Variants in DNAH10 observed in about 807,000 individuals in gnomAD.
The protein encoded by DNAH10 is axonemal beta dynein heavy chain 10.
Under a neutral mutation model 506.6 loss-of-function variants are expected in DNAH10, and 348 were observed. The ratio of observed to expected loss-of-function variants is 0.69; its 90% CI spans 0.63 to 0.75. The LOEUF is 0.75. Among genes scored for constraint, DNAH10 ranks in the 30% least tolerant of loss-of-function variants. DNAH10 has a pLI of 0.00. For synonymous variants in DNAH10, 2,059 were observed against 2,198.6 expected (o/e 0.94, Z 1.78); for missense variants, 5,179 against 5,787.1 (o/e 0.89, Z 3.41).
rs1452668153 is a variant in DNAH10, at chr12:123,801,410, G to C, written c.2592G>C (p.Lys864Asn). ...ELLRVFRSGY[K>N]RLNWNSLGIG... ...TCCGAGTGTTTAGGTCGGGATATAAGAGGTTGAACTGGAACTCACTAGGTA... is the reference window on the plus strand; with the variant it reads ...TCCGAGTGTTTAGGTCGGGATATAACAGGTTGAACTGGAACTCACTAGGTA... Residue 864 changes from lysine to asparagine, a missense_variant, in exon 16 of 79, where the codon AAG becomes AAC. Coordinates refer to ENST00000673944, the MANE Select transcript of DNAH10 (RefSeq NM_001372106.1). The C allele has an allele frequency of 1.9e-6, 3 of 1,613,960 alleles. No homozygotes were observed. In the African/African-American group the frequency reaches 4.0e-5, roughly 22 times the overall value.
At chr12:123,888,270 A>G (rs945204972) in intron 52 of DNAH10, among the ~76,000 whole-genome samples, 1 of 152,206 alleles carries the variant, frequency 6.6e-6, no homozygotes, top group Non-Finnish European at 1.5e-5. Flanking sequence ...AGGTACCATT[A>G]ACATCCTCAT....
rs756405690 is a variant in DNAH10, at chr12:123,879,272, C to T, written c.8381C>T (p.Thr2794Met). 61 of 1,573,804 alleles carry T rather than the reference C, an allele frequency of 3.9e-5. No homozygotes were observed. The highest frequency in any genetic ancestry group is 4.7e-5 in the East Asian group (2 of 42,886). Residue 2794 changes from threonine to methionine, a missense_variant, in exon 49 of 79, where the codon ACG becomes ATG. Coordinates refer to ENST00000673944, the MANE Select transcript of DNAH10 (RefSeq NM_001372106.1). ...TCCCTTCCATTCTGCAGATTCCAGA[C>T]GGTGGCCCAGATGGTGAGAGTCTGG... ...LVLTNPERFQ[T>M]VAQMVRVWRN...
At position 123,771,649 on chromosome 12, in the gene DNAH10, G is replaced by T; in HGVS notation, c.347G>T (p.Arg116Ile). Residue 116 changes from arginine (R) to isoleucine (I), a missense_variant, in exon 3 of 79, where the codon AGA becomes ATA. Physicochemically the swap from Arg to Ile is moderately conservative, Grantham distance 97 (BLOSUM62 -3). Transcript: ENST00000673944. ...GAATCTCTAGGCCAACCTCTAAACA[G>T]AGAGGATGAAGAAATGGACAAAGAG... ...RTESLGQPLNREDEEMDKEIS... is the reference protein window; with the variant it reads ...RTESLGQPLNIEDEEMDKEIS... 1 of 1,613,630 alleles carries T rather than the reference G, an allele frequency of 6.2e-7. No individual in the cohort carries two copies. Among genetic ancestry groups the T allele is most frequent in the Non-Finnish European group, 8.5e-7 (1 of 1,179,780 alleles).
At chr12:123,881,956 A>AT in intron 51 of DNAH10, 143 bp downstream of exon 51, 2 of 813,526 alleles carry the variant, frequency 2.5e-6, no homozygotes, top group Non-Finnish European at 3.4e-6. Flanking sequence ...GGTTTGTTTT[A>AT]TTTTTTCTTG....
chr12:123,871,585 C>T lies in DNAH10; in HGVS notation c.7768C>T (p.Leu2590=). Residue 2590 remains leucine, a synonymous_variant, in exon 45 of 79, where the codon CTG becomes TTG. Coordinates refer to ENST00000673944, the MANE Select transcript of DNAH10 (RefSeq NM_001372106.1). ...CACTACCCAGAATTTCCTCAAAAATCTGAGTGAAGAAACTAACGTAAGTCA... is the reference window on the plus strand; with the variant it reads ...CACTACCCAGAATTTCCTCAAAAATTTGAGTGAAGAAACTAACGTAAGTCA... ...TATTQNFLKN[L]SEETNIVLMV... is the part of the protein sequence containing the mutation. 6.4e-7 allele frequency: 1 copy of T among 1,550,792 alleles called. No individual in the cohort carries two copies.
At chr12:123,877,595 C>T in intron 47 of DNAH10, 141 bp from the exon 48 acceptor site, 1 of 1,177,556 alleles carries the variant, frequency 8.5e-7, no homozygotes, top group South Asian at 1.7e-5. Context: ...GGATTACAGG[C>T]ATGAGCCACC....
Position 123,846,012 on chromosome 12 carries a change from G to A in DNAH10, c.5672G>A (p.Arg1891Gln), listed in dbSNP as rs916125970. The change falls in exon 32 of 79, where the codon CGG (arginine) becomes CAG (glutamine). Residue 1891 changes from arginine (R) to glutamine (Q), a missense_variant. By Grantham distance (43) the Arg-to-Gln change is conservative. Around this residue, in one of 3 missense-constraint regions of DNAH10, gnomAD observed 4,844 missense variants for 5,430.5 expected, o/e 0.89. Transcript: ENST00000673944. The surrounding 1 kb of genome is among the most constrained non-coding windows in gnomAD (Gnocchi z 4.5). The stretch of plus-strand genomic sequence containing the variant: ...GAGTTTGACTGGGAAAGTCAGTTGC[G>A]GTTTTATTGGGACCGGGAGCCGGAT... Reference protein sequence around the residue: ...AREFDWESQLRFYWDREPDEL... With the variant: ...AREFDWESQLQFYWDREPDEL... 17 of 1,613,860 alleles carry A rather than the reference G, an allele frequency of 1.1e-5. No individual in the cohort carries two copies. Among genetic ancestry groups the A allele is most frequent in the Admixed American group, 8.3e-5 (5 of 60,000 alleles).
rs1265599654 is a variant in DNAH10, at chr12:123,850,871, TC to T, written c.6103-15del. The T allele has an allele frequency of 6.3e-7, 1 of 1,595,388 alleles. No homozygotes were observed. Among genetic ancestry groups the T allele is most frequent in the Non-Finnish European group, 8.6e-7 (1 of 1,168,122 alleles). ...GCCACCTAACTGCTTCTTTCTTTCT[TC>T]CTTCTTGCCCTCCAGTTTGAAGGGC... On this transcript the variant is annotated splice_polypyrimidine_tract_variant and intron_variant, in intron 34 of 78. Transcript: ENST00000673944. The surrounding 1 kb of genome is among the most constrained non-coding windows in gnomAD (Gnocchi z 5.5).
chr12:123,815,573 C>T (rs1008318525), intron 21 of DNAH10, among the ~76,000 whole-genome samples: 1 of 152,104 alleles, frequency 6.6e-6, no homozygotes, highest in African/African-American at 2.4e-5. Context: ...TAGGGGAAAT[C>T]CGTGTCTTGT....
intron 57 of DNAH10, among the ~76,000 whole-genome samples, chr12:123,908,001 C>T (rs747610948): frequency 4.6e-5 from 7 of 152,038 alleles, no homozygotes; most frequent in Non-Finnish European, 7.4e-5. Flanking sequence ...GTGAGGGTTC[C>T]GGGGTCAGGA....
In DNAH10 at chr12:123,841,369, A is replaced by G. The variant is rs761950306; in HGVS notation, c.5184A>G (p.Gly1728=). ...TGAGGTTTAATGACGGCGATAGTGGAGAAAAACTGGTGTCCGCGATGATTT... is the reference window on the plus strand; with the variant it reads ...TGAGGTTTAATGACGGCGATAGTGGGGAAAAACTGGTGTCCGCGATGATTT... ...ASLRFNDGDS[G]EKLVSAMISA... is the part of the protein sequence containing the mutation. Residue 1728 remains glycine (G), a synonymous_variant, in exon 30 of 79, where the codon GGA becomes GGG. Coordinates refer to ENST00000673944, the MANE Select transcript of DNAH10 (RefSeq NM_001372106.1). 5 of 1,614,014 alleles carry G rather than the reference A, an allele frequency of 3.1e-6. No individual in the cohort carries two copies. The highest frequency in any genetic ancestry group is 3.3e-5 in the Admixed American group (2 of 60,022).
chr12:123,779,593 C>T (rs375259155), intron 5 of DNAH10, among the ~76,000 whole-genome samples: 147 of 114,378 alleles, frequency 1.3e-3, no homozygotes, highest in African/African-American at 4.2e-3. Flanking sequence ...ATTAATGGAC[C>T]TGGGGGTGGG....
In DNAH10 at chr12:123,781,369, G is replaced by A. The variant is rs1957642160; in HGVS notation, c.841+70G>A. ...ACTGTAGTTGGGATTACAGGTGCAT[G>A]CCACCATGCCTGGCTAACTTTTGGA... On this transcript the variant is annotated intron_variant, in intron 6 of 78. Transcript: ENST00000673944. 3.6e-6 allele frequency: 5 copies of A among 1,388,338 alleles called. No homozygotes were observed. The Admixed American group carries it at 8.3e-5, about 23-fold the overall frequency. 86.0% of individuals were successfully genotyped at this position (1,388,338 alleles called of 1,614,324 possible).
rs1957914362 is a variant in DNAH10 at position 123,787,747 on chromosome 12, G to A, written c.1422-57G>A. 3 of 1,570,014 alleles carry A rather than the reference G, an allele frequency of 1.9e-6. No homozygotes were observed. The highest frequency in any genetic ancestry group is 8.6e-7 in the Non-Finnish European group (1 of 1,156,172). ...GACACTGGCTCCCCAGCCGGGGAGTGCGGCTCGGACCCGGAGCTCCGCCCT... is the reference window on the plus strand; with the variant it reads ...GACACTGGCTCCCCAGCCGGGGAGTACGGCTCGGACCCGGAGCTCCGCCCT... On this transcript the variant is annotated intron_variant, in intron 9 of 78. Transcript: ENST00000673944. The surrounding 1 kb of genome is among the most constrained non-coding windows in gnomAD (Gnocchi z 4.6).
intron 11 of DNAH10, 53 bp from the exon 12 acceptor site, chr12:123,793,889 T>G (rs1958178862): frequency 9.0e-7 from 1 of 1,107,254 alleles, no homozygotes; most frequent in Non-Finnish European, 1.1e-6. Context: ...GCCACTTTAT[T>G]TTGGCAGGAT....
chr12:123,878,781 C>T (rs1952371901), intron 48 of DNAH10, among the ~76,000 whole-genome samples: 1 of 152,132 alleles, frequency 6.6e-6, no homozygotes, highest in African/African-American at 2.4e-5. Flanking sequence ...TACCTGTAGT[C>T]CCAGCCACTT....
chr12:123,891,745 C>T (rs891421741), intron 52 of DNAH10, among the ~76,000 whole-genome samples: 1 of 152,162 alleles, frequency 6.6e-6, no homozygotes, highest in Non-Finnish European at 1.5e-5. Context: ...CCATCCCCGG[C>T]TCCGTGACTT....
At chr12:123,801,216 C>T (rs1422147219) in intron 15 of DNAH10, 65 bp from the exon 16 acceptor site, 49 of 1,505,170 alleles carry the variant, frequency 3.3e-5, no homozygotes, top group Admixed American at 4.4e-5. Flanking sequence ...ATCTCTTGAC[C>T]GCAAAAGCTT....
At position 123,773,089 on chromosome 12, in the gene DNAH10, G is replaced by A. The variant is rs554728384; in HGVS notation, c.505+147G>A. ...TTTCCATACTGTACTGGGTTCTTACGTAGTCTTCTCAAAGCTAATTTCCAG... is the reference window on the plus strand; with the variant it reads ...TTTCCATACTGTACTGGGTTCTTACATAGTCTTCTCAAAGCTAATTTCCAG... On this transcript the variant is annotated intron_variant, in intron 4 of 78. Transcript: ENST00000673944. 4.4e-4 allele frequency: 239 copies of A among 540,338 alleles called. 1 individual carries two copies. In the Middle Eastern group the frequency reaches 5.1e-3, roughly 12 times the overall value. 33.5% of individuals were successfully genotyped at this position (540,338 alleles called of 1,614,324 possible). A position where few individuals can be genotyped will look rare whatever the true frequency, so the allele number is the denominator to read the frequency against.
Sources: gnomAD v4.1 joint callset for allele counts (sites outside exome capture counted in the v4.1 genomes callset) on GRCh38, gnomAD v4.1.1 for gene constraint, gnomAD v4.1.1 regional missense constraint, Gnocchi (gnomAD v3.1) non-coding constraint, MANE v1.5 for transcripts, NCBI Gene and HGNC (gene_info 2026-07-23, HGNC 2026-07-21) for gene names.